RBFOX1: variants seen among roughly 807,000 people sequenced by gnomAD.
RBFOX1 encodes the protein RNA binding protein fox-1 homolog 1.
Under a neutral mutation model 57.7 loss-of-function variants are expected in RBFOX1, and 8 were observed. The observed-to-expected ratio is 0.14, with a 90% CI of 0.08 to 0.25. The LOEUF (loss-of-function observed/expected upper bound fraction) is 0.25, where lower values mean the gene tolerates loss of function less well. Among genes scored for constraint, RBFOX1 ranks in the 10% least tolerant of loss-of-function variants. RBFOX1 has a pLI of 1.00. For missense variants in RBFOX1, 611 were observed against 548.5 expected (o/e 1.11, Z -1.14); for synonymous variants, 326 against 222.4 (o/e 1.47, Z -4.15).
At chr16:7,466,560 A>C (rs2060563262) in intron 4 of RBFOX1, among the ~76,000 whole-genome samples, 1 of 152,130 alleles carries the variant, frequency 6.6e-6, no homozygotes, top group Admixed American at 6.6e-5. Flanking sequence ...GAGCCTCCCC[A>C]GGAAGACAGG....
chr16:6,744,663 C>T (rs1404552734), intron 3 of RBFOX1, among the ~76,000 whole-genome samples: 6 of 151,962 alleles, frequency 3.9e-5, no homozygotes, highest in Non-Finnish European at 8.8e-5. Context: ...ATACATAAGA[C>T]ATATCAGATT....
chr16:5,702,957 T>C (rs2051104932), intron 3 of RBFOX1, among the ~76,000 whole-genome samples: 1 of 152,220 alleles, frequency 6.6e-6, no homozygotes, highest in Admixed American at 6.5e-5. Context: ...CTCTGCATGT[T>C]ACTATGTGAC....
intron 3 of RBFOX1, among the ~76,000 whole-genome samples, chr16:6,871,800 A>C (rs578221535): frequency 6.6e-6 from 1 of 152,186 alleles, no homozygotes; most frequent in Admixed American, 6.5e-5. Flanking sequence ...TCAAGTCTGG[A>C]AATGTTGTCA....
At chr16:7,111,939 G>A (rs77015390) in intron 4 of RBFOX1, among the ~76,000 whole-genome samples, 2,340 of 152,214 alleles carry the variant, frequency 0.015, 70 homozygotes, top group African/African-American at 0.053. Context: ...CAATTGATAA[G>A]CTGACTTGTC....
intron 1 of RBFOX1, among the ~76,000 whole-genome samples, chr16:6,121,630 A>G (rs2096550394): frequency 6.6e-6 from 1 of 152,036 alleles, no homozygotes; most frequent in African/African-American, 2.4e-5. Flanking sequence ...GGCTCAACTC[A>G]GTGGGGACAT....
chr16:6,433,827 C>G (rs1352603176), intron 2 of RBFOX1, among the ~76,000 whole-genome samples: 2 of 150,290 alleles, frequency 1.3e-5, no homozygotes, highest in Non-Finnish European at 2.9e-5. Context: ...TCCTCTAGCT[C>G]CAACCTCTTT....
chr16:6,639,947 A>G (rs957430376), intron 2 of RBFOX1, among the ~76,000 whole-genome samples: 3 of 152,040 alleles, frequency 2.0e-5, no homozygotes, highest in Non-Finnish European at 4.4e-5. Flanking sequence ...TTGACCCCTA[A>G]CTATGTGTCA....
chr16:6,617,738 G>A (rs2098164672), intron 2 of RBFOX1, among the ~76,000 whole-genome samples: 1 of 152,150 alleles, frequency 6.6e-6, no homozygotes, highest in South Asian at 2.1e-4. Flanking sequence ...TAGATATTTT[G>A]TGCAATTTCA....
intron 2 of RBFOX1, among the ~76,000 whole-genome samples, chr16:6,497,565 A>ATTTT (rs772851122): frequency 0.48 from 70,368 of 147,626 alleles, 16,711 homozygotes; most frequent in South Asian, 0.58. Flanking sequence ...AGTTTTTAAA[A>ATTTT]AAAAAAAAAA....
rs1000437604 is a variant in RBFOX1 at position 7,707,697 on chromosome 16, C to T, written c.996-1359C>T. 8.5e-5 allele frequency among the ~76,000 whole-genome samples: 13 copies of T among 152,164 alleles called. No homozygotes were observed. The South Asian group carries it at 2.1e-3, about 24-fold the overall frequency. ...ATCACTCACTCCTCAGGAAAGCCCA[C>T]AGCTAATGCCGAAAACTTATGTAGG... is the stretch of plus-strand genomic sequence containing the variant. On this transcript the variant is annotated intron_variant, in intron 14 of 15. Coordinates refer to ENST00000550418, the MANE Select transcript of RBFOX1 (RefSeq NM_018723.4).
chr16:6,689,220 C>G (rs1254282543), intron 3 of RBFOX1, among the ~76,000 whole-genome samples: 1 of 152,036 alleles, frequency 6.6e-6, no homozygotes, highest in African/African-American at 2.4e-5. Flanking sequence ...CTGATTATGT[C>G]TGGAGTTTTT....
intron 3 of RBFOX1, among the ~76,000 whole-genome samples, chr16:6,677,289 G>A (rs147938939): frequency 6.6e-6 from 1 of 152,088 alleles, no homozygotes. Context: ...ATTAAGGGTG[G>A]TCAACACATC....
chr16:7,518,715 G>A (rs894211573), intron 5 of RBFOX1, among the ~76,000 whole-genome samples: 1 of 152,106 alleles, frequency 6.6e-6, no homozygotes, highest in Non-Finnish European at 1.5e-5. Flanking sequence ...TTTGATGTAA[G>A]ATAATTTTTC....
chr16:6,738,973 T>A (rs2071256052), intron 3 of RBFOX1, among the ~76,000 whole-genome samples: 1 of 152,206 alleles, frequency 6.6e-6, no homozygotes, highest in Non-Finnish European at 1.5e-5. Context: ...AAAATGTGTG[T>A]GTCGCAGCCA....
At chr16:7,706,058 G>C (rs540513898) in intron 14 of RBFOX1, among the ~76,000 whole-genome samples, 4 of 152,250 alleles carry the variant, frequency 2.6e-5, no homozygotes, top group East Asian at 1.9e-4. Context: ...TCTCCGGGCT[G>C]TGCTTAGCCA....
chr16:7,011,146 G>C (rs1027063542), intron 3 of RBFOX1, among the ~76,000 whole-genome samples: 32 of 151,750 alleles, frequency 2.1e-4, no homozygotes, highest in African/African-American at 7.0e-4. Flanking sequence ...TAGTTGAAAA[G>C]TCAAAAACTG....
intron 2 of RBFOX1, among the ~76,000 whole-genome samples, chr16:5,563,241 G>T (rs904660805): frequency 6.6e-6 from 1 of 152,146 alleles, no homozygotes; most frequent in African/African-American, 2.4e-5. Flanking sequence ...GAGCCACCGC[G>T]CCCAGCTGAG....
chr16:5,394,986 T>C (rs866487387), intron 1 of RBFOX1, among the ~76,000 whole-genome samples: 95 of 152,332 alleles, frequency 6.2e-4, no homozygotes, highest in African/African-American at 1.9e-3. Flanking sequence ...CCCTCTGGCC[T>C]GTACCTTCAT....
At chr16:7,696,478 G>A (rs1025829511) in intron 14 of RBFOX1, among the ~76,000 whole-genome samples, 8 of 148,426 alleles carry the variant, frequency 5.4e-5, no homozygotes, top group African/African-American at 7.9e-5. Flanking sequence ...TGTAGTAGTT[G>A]CAGAAGAAGG....
Sources: gnomAD v4.1 joint callset for allele counts (sites outside exome capture counted in the v4.1 genomes callset) on GRCh38, gnomAD v4.1.1 for gene constraint, MANE v1.5 for transcripts, NCBI Gene and HGNC (gene_info 2026-07-23, HGNC 2026-07-21) for gene names.